The following FAAP20 variants were observed in gnomAD, a reference collection of about 807,000 sequenced individuals.
FAAP20 encodes the protein FA core complex associated protein 20, also known as Fanconi anemia core complex-associated protein 20.
A neutral mutation model predicts 16.2 loss-of-function variants in FAAP20; 12 were observed. That is an observed-to-expected ratio of 0.74 (90% CI 0.48 to 1.20). The LOEUF (loss-of-function observed/expected upper bound fraction) is 1.20. FAAP20 is among the 50% of genes most tolerant of loss of function. The pLI, the probability that FAAP20 is intolerant of heterozygous loss-of-function variation, is 0.00. For missense variants in FAAP20, 288 were observed against 245.8 expected, an observed-to-expected ratio of 1.17 and a Z score of -1.15; for synonymous variants, 141 against 110.7, an observed-to-expected ratio of 1.27 and a Z score of -1.72.
downstream of FAAP20, chr1:2,184,685 AC>A: frequency 6.2e-7 from 1 of 1,613,394 alleles, no homozygotes; most frequent in Non-Finnish European, 8.5e-7. Flanking sequence ...CGTGCAGCTG[AC>A]CCCAGACGAT....
At chr1:2,185,514 C>T (rs1186347621), downstream of FAAP20, 4 of 716,840 alleles carry the variant, frequency 5.6e-6, no homozygotes, top group Non-Finnish European at 1.0e-5. Context: ...GTTGAAGTAC[C>T]TGTGGGGACA....
chr1:2,193,112 G>T, intron 3 of FAAP20: 1 of 882,512 alleles, frequency 1.1e-6, no homozygotes, highest in Non-Finnish European at 1.6e-6. Flanking sequence ...TGCTCCGGAG[G>T]CCAAGGGCCC....
chr1:2,185,498 G>A (rs1480461197), downstream of FAAP20: 1 of 717,822 alleles, frequency 1.4e-6, no homozygotes, highest in East Asian at 2.7e-5. Context: ...ACAGGTGGGG[G>A]CGGGAGTTGA....
At chr1:2,199,734 T>C (rs187453883), upstream of FAAP20, 467 of 763,438 alleles carry the variant, frequency 6.1e-4, 2 homozygotes, top group African/African-American at 8.2e-3. This position sits in a 1 kb window ranked among gnomAD's most constrained non-coding sequence, Gnocchi z 4.5. Flanking sequence ...GATGAGGCGA[T>C]ACTGGGTTAG....
At chr1:2,211,953 A>G (rs1414176724), downstream of FAAP20, among the ~76,000 whole-genome samples, 4 of 123,702 alleles carry the variant, frequency 3.2e-5, no homozygotes, top group Non-Finnish European at 6.2e-5. Context: ...CCCAGGCTGG[A>G]GTGCAGTAGT....
upstream of FAAP20, chr1:2,194,802 GC>G: frequency 9.8e-7 from 1 of 1,024,788 alleles, no homozygotes; most frequent in Non-Finnish European, 1.2e-6. Context: ...GCCCCTCCAG[GC>G]CCCGCCCCCG....
chr1:2,188,189 C>A (rs1045475885), downstream of FAAP20, among the ~76,000 whole-genome samples: 2 of 152,220 alleles, frequency 1.3e-5, no homozygotes, highest in East Asian at 1.9e-4. Flanking sequence ...CTCTCCAGAA[C>A]CTGGGGGCTG....
In FAAP20 at chr1:2,189,651, G is replaced by C; in HGVS notation, c.*58C>G. The C allele has an allele frequency of 7.0e-7, 1 of 1,420,560 alleles. No homozygotes were observed. The highest frequency in any genetic ancestry group is 9.8e-7 in the Non-Finnish European group (1 of 1,025,322). 88.0% of individuals were successfully genotyped at this position (1,420,560 alleles called of 1,614,324 possible). ...GGCGGGGGAGCCGAGAGGCGGGGCTGCTGGCGGGGGAGAGCGTGTCCGGGC... is the reference window on the plus strand; with the variant it reads ...GGCGGGGGAGCCGAGAGGCGGGGCTCCTGGCGGGGGAGAGCGTGTCCGGGC... On this transcript the variant is annotated 3_prime_UTR_variant, in exon 4 of 4. Coordinates refer to ENST00000378546, the MANE Select transcript of FAAP20 (RefSeq NM_182533.4).
chr1:2,187,802 G>T (rs991436231), downstream of FAAP20, among the ~76,000 whole-genome samples: 6 of 152,150 alleles, frequency 3.9e-5, no homozygotes, highest in East Asian at 1.9e-4. Flanking sequence ...CGCCCAGCTC[G>T]CCCAGGGCAC....
At chr1:2,201,658 G>A (rs1466963967), upstream of FAAP20, among the ~76,000 whole-genome samples, 4 of 151,118 alleles carry the variant, frequency 2.6e-5, no homozygotes, top group African/African-American at 9.8e-5. Flanking sequence ...GGAGGCGGAG[G>A]TTGCAGTGAG....
chr1:2,192,758 C>A (rs952206423), intron 3 of FAAP20: 9 of 1,071,066 alleles, frequency 8.4e-6, no homozygotes, highest in Non-Finnish European at 1.1e-5. Flanking sequence ...GGACCACAGG[C>A]ACGCGCCACC....
chr1:2,211,486 G>T (rs1373035442), downstream of FAAP20, among the ~76,000 whole-genome samples: 1 of 101,240 alleles, frequency 9.9e-6, no homozygotes, highest in African/African-American at 4.2e-5. Context: ...TTGCTCTGTT[G>T]CCTAGGCTGA....
At chr1:2,205,052 C>A (rs1457226699) in intron 3 of FAAP20, among the ~76,000 whole-genome samples, 1 of 88,500 alleles carries the variant, frequency 1.1e-5, no homozygotes, top group Non-Finnish European at 2.4e-5. Flanking sequence ...CTCCCTCACG[C>A]CCCGTCCCCA....
At chr1:2,211,941 C>T (rs554517466), downstream of FAAP20, among the ~76,000 whole-genome samples, 39 of 119,134 alleles carry the variant, frequency 3.3e-4, no homozygotes, top group Admixed American at 1.3e-3. Context: ...CTTGCTTTGT[C>T]GCCCAGGCTG....
chr1:2,200,087 AAGAG>A (rs780088957), upstream of FAAP20: 1 of 149,600 alleles, frequency 6.7e-6, no homozygotes, highest in Non-Finnish European at 1.5e-5. Context: ...TCAAAAAAAA[AAGAG>A]AGAGAGAAAG....
downstream of FAAP20, chr1:2,187,004 A>G (rs2100618863): frequency 3.3e-6 from 1 of 305,032 alleles, no homozygotes. Flanking sequence ...AAAAATCCTG[A>G]TATTTGCTAA....
chr1:2,190,451 G>A (rs772186695), intron 3 of FAAP20: 24 of 444,352 alleles, frequency 5.4e-5, no homozygotes, highest in African/African-American at 2.6e-4. Flanking sequence ...CAGTGGGGCC[G>A]GGAGGGGTGT....
At chr1:2,201,978 C>A (rs1286037016), upstream of FAAP20, among the ~76,000 whole-genome samples, 4 of 150,314 alleles carry the variant, frequency 2.7e-5, no homozygotes, top group African/African-American at 9.8e-5. Context: ...GATAGTGCCA[C>A]TGCCCTCCAG....
At chr1:2,211,435 A>ATTTTTTTTT (rs1164460550), downstream of FAAP20, among the ~76,000 whole-genome samples, 1 of 8,562 alleles carries the variant, frequency 1.2e-4, no homozygotes, top group African/African-American at 9.4e-4. Flanking sequence ...ATATATATAT[A>ATTTTTTTTT]TTTTTTTTTT....
Sources: gnomAD v4.1 joint callset for allele counts (sites outside exome capture counted in the v4.1 genomes callset) on GRCh38, gnomAD v4.1.1 for gene constraint, Gnocchi (gnomAD v3.1) non-coding constraint, MANE v1.5 for transcripts, NCBI Gene and HGNC (gene_info 2026-07-23, HGNC 2026-07-21) for gene names.